NEK10: variants seen among roughly 807,000 people sequenced by gnomAD.
NEK10 encodes the protein NIMA related kinase 10.
A neutral mutation model predicts 159.8 loss-of-function variants in NEK10; 122 were observed. The ratio of observed to expected loss-of-function variants is 0.76; its 90% CI spans 0.66 to 0.89. The LOEUF (loss-of-function observed/expected upper bound fraction) is 0.89, where lower values mean the gene tolerates loss of function less well. Among genes scored for constraint, NEK10 ranks in the 40% least tolerant of loss-of-function variants. NEK10 has a pLI of 0.00. For synonymous variants in NEK10, 466 were observed against 457.1 expected (o/e 1.02, Z -0.25); for missense variants, 1,342 against 1,323.1 (o/e 1.01, Z -0.22).
chr3:27,364,927 A>G (rs1344080644), intron 1 of NEK10, among the ~76,000 whole-genome samples: 3 of 152,202 alleles, frequency 2.0e-5, no homozygotes, highest in Non-Finnish European at 4.4e-5. Context: ...AGCTACCCTT[A>G]CTGTCCCTAA....
intron 30 of NEK10, among the ~76,000 whole-genome samples, chr3:27,159,137 G>C (rs1945774349): frequency 6.6e-6 from 1 of 152,084 alleles, no homozygotes; most frequent in African/African-American, 2.4e-5. Flanking sequence ...TCCTTTTACA[G>C]TTTTCTTTCT....
intron 26 of NEK10, among the ~76,000 whole-genome samples, chr3:27,175,297 CA>C (rs1366029463): frequency 6.6e-6 from 1 of 151,858 alleles, no homozygotes; most frequent in African/African-American, 2.4e-5. Flanking sequence ...CAAGGTTTTC[CA>C]AAAAAAGGAG....
chr3:27,127,033 C>T (rs1167379719), intron 32 of NEK10, among the ~76,000 whole-genome samples: 1 of 151,902 alleles, frequency 6.6e-6, no homozygotes, highest in East Asian at 1.9e-4. Context: ...AACAAAAAAC[C>T]CATAAATATT....
chr3:27,203,920 G>A (rs1336989497), intron 23 of NEK10, among the ~76,000 whole-genome samples: 1 of 152,096 alleles, frequency 6.6e-6, no homozygotes, highest in East Asian at 1.9e-4. Flanking sequence ...GGGAATTGGG[G>A]CTGAGACTTC....
intron 1 of NEK10, among the ~76,000 whole-genome samples, chr3:27,353,848 A>T (rs556737630): frequency 6.6e-6 from 1 of 152,312 alleles, no homozygotes; most frequent in East Asian, 1.9e-4. Flanking sequence ...CGTGAACTTT[A>T]AAACATGTTT....
At chr3:27,225,883 C>T (rs894392443) in intron 23 of NEK10, among the ~76,000 whole-genome samples, 2 of 152,110 alleles carry the variant, frequency 1.3e-5, no homozygotes, top group Non-Finnish European at 2.9e-5. Flanking sequence ...TTTCTGTTGA[C>T]TTGCTTAAGG....
At position 27,209,237 on chromosome 3, in the gene NEK10, T is replaced by C. The variant is rs137874337; in HGVS notation, c.2091-6680A>G. Reference sequence around the variant, plus strand: ...GTGTTTATTCAAAATTCAAATTTCATTGGCCACCCTGTATTTCATCTGGCA... The same window carrying C: ...GTGTTTATTCAAAATTCAAATTTCACTGGCCACCCTGTATTTCATCTGGCA... On this transcript the variant is annotated intron_variant, in intron 23 of 35. Transcript: ENST00000691995. Among the ~76,000 whole-genome samples the C allele has an allele frequency of 1.6e-3, 239 of 152,364 alleles. 2 individuals carry two copies. The highest frequency in any genetic ancestry group is 5.6e-3 in the African/African-American group (233 of 41,590).
At chr3:27,255,788 C>T (rs371166017) in intron 23 of NEK10, among the ~76,000 whole-genome samples, 4 of 152,140 alleles carry the variant, frequency 2.6e-5, no homozygotes, top group African/African-American at 9.7e-5. Context: ...TCTAAGTATA[C>T]ATATCATTAT....
intron 32 of NEK10, among the ~76,000 whole-genome samples, chr3:27,125,175 T>C (rs1941803243): frequency 6.6e-6 from 1 of 152,166 alleles, no homozygotes; most frequent in South Asian, 2.1e-4. Flanking sequence ...TGAGCAAGTA[T>C]TGAGCAATTT....
intron 30 of NEK10, among the ~76,000 whole-genome samples, chr3:27,143,087 G>A (rs954090760): frequency 5.6e-4 from 86 of 152,296 alleles, no homozygotes; most frequent in African/African-American, 2.0e-3. Flanking sequence ...GAGAGCTGGA[G>A]TTGTCTGCTC....
At chr3:27,334,255 C>T (rs1340979282) in intron 5 of NEK10, among the ~76,000 whole-genome samples, 1 of 152,160 alleles carries the variant, frequency 6.6e-6, no homozygotes, top group Non-Finnish European at 1.5e-5. Context: ...TGTGCCTAGC[C>T]CATTGCAGCC....
chr3:27,201,238 C>G, intron 25 of NEK10, among the ~76,000 whole-genome samples: 1 of 151,846 alleles, frequency 6.6e-6, no homozygotes, highest in East Asian at 1.9e-4. Context: ...TTTGTCTTAC[C>G]CACATATCAT....
At chr3:27,122,174 G>A (rs1056436037) in intron 32 of NEK10, among the ~76,000 whole-genome samples, 1 of 152,042 alleles carries the variant, frequency 6.6e-6, no homozygotes, top group African/African-American at 2.4e-5. Context: ...ATGATAGTGT[G>A]TGAGATCTCA....
At chr3:27,231,878 A>G (rs1953317519) in intron 23 of NEK10, among the ~76,000 whole-genome samples, 1 of 151,888 alleles carries the variant, frequency 6.6e-6, no homozygotes, top group African/African-American at 2.4e-5. Flanking sequence ...CCAGGACAAG[A>G]CAGATTCTCA....
chr3:27,331,262 A>AAAAAAAAAAAAGAC, intron 5 of NEK10, among the ~76,000 whole-genome samples: 1 of 110,082 alleles, frequency 9.1e-6, no homozygotes, highest in Non-Finnish European at 2.0e-5. Context: ...AAAAAAAAAA[A>AAAAAAAAAAAAGAC]ACACACAAAC....
At chr3:27,302,460 C>T (rs980971459) in intron 12 of NEK10, among the ~76,000 whole-genome samples, 1 of 151,864 alleles carries the variant, frequency 6.6e-6, no homozygotes, top group African/African-American at 2.4e-5. Flanking sequence ...GTTTTCTTTC[C>T]TAGCTCTGCA....
chr3:27,181,905 G>A (rs1275233855), intron 26 of NEK10, among the ~76,000 whole-genome samples: 1 of 152,022 alleles, frequency 6.6e-6, no homozygotes, highest in Non-Finnish European at 1.5e-5. Context: ...AAAACAAGGG[G>A]TAAAAATAAA....
chr3:27,301,969 C>T lies in NEK10; in HGVS notation c.1029-134G>A, dbSNP rs142204839. 3.8e-5 allele frequency: 26 copies of T among 681,322 alleles called. No individual in the cohort carries two copies. The African/African-American group carries it at 4.0e-4, about 10-fold the overall frequency. 42.2% of individuals were successfully genotyped at this position (681,322 alleles called of 1,614,324 possible). A position where few individuals can be genotyped will look rare whatever the true frequency, so the allele number is the denominator to read the frequency against. On this transcript the variant is annotated intron_variant, in intron 12 of 35. Transcript: ENST00000691995. Reference sequence around the variant, plus strand: ...CATTATTGTTTCACTTTCCAATCCACCTGGAATTGATTTTTGTGTATGGTG... The same window carrying T: ...CATTATTGTTTCACTTTCCAATCCATCTGGAATTGATTTTTGTGTATGGTG...
At chr3:27,172,355 A>C (rs1263986323) in intron 28 of NEK10, among the ~76,000 whole-genome samples, 4 of 151,106 alleles carry the variant, frequency 2.6e-5, no homozygotes, top group Non-Finnish European at 4.4e-5. Context: ...AAAAAAAAAA[A>C]AAAACTTAAA....
Sources: gnomAD v4.1 joint callset for allele counts (sites outside exome capture counted in the v4.1 genomes callset) on GRCh38, gnomAD v4.1.1 for gene constraint, MANE v1.5 for transcripts, NCBI Gene and HGNC (gene_info 2026-07-23, HGNC 2026-07-21) for gene names.